Variants in PLXNC1 observed in about 807,000 individuals in gnomAD.
The protein encoded by PLXNC1 is plexin C1, also known as plexin-C1.
PLXNC1 carries 75 observed loss-of-function variants against 178.2 expected under a neutral mutation model. The ratio of observed to expected loss-of-function variants is 0.42; its 90% CI spans 0.35 to 0.51. The LOEUF (loss-of-function observed/expected upper bound fraction) is 0.51, where lower values mean the gene tolerates loss of function less well. PLXNC1 is among the 20% of genes least tolerant of loss of function. The pLI is 0.02. For missense variants in PLXNC1, 1,503 were observed against 1,984.4 expected (o/e 0.76, Z 4.61); for synonymous variants, 790 against 779.9 (o/e 1.01, Z -0.22).
At chr12:94,251,399 G>T in intron 14 of PLXNC1, 27 bp from the exon 15 acceptor site, 4 of 1,350,682 alleles carry the variant, frequency 3.0e-6, no homozygotes, top group Non-Finnish European at 4.3e-6. Context: ...ACTCAATTGG[G>T]TCTAATGACA....
chr12:94,227,460 G>T, intron 9 of PLXNC1: 1 of 390,724 alleles, frequency 2.6e-6, no homozygotes, highest in Non-Finnish European at 4.7e-6. Context: ...TATGAAAAAT[G>T]ATGTTGCTCT....
intron 4 of PLXNC1, among the ~76,000 whole-genome samples, chr12:94,208,489 T>A (rs1275101110): frequency 1.3e-5 from 2 of 152,188 alleles, no homozygotes; most frequent in Non-Finnish European, 2.9e-5. Context: ...CCAAATACAC[T>A]GTTTGGGCCC....
intron 3 of PLXNC1, among the ~76,000 whole-genome samples, chr12:94,182,857 CTG>C (rs1491429200): frequency 0.048 from 6,791 of 141,838 alleles, 182 homozygotes; most frequent in African/African-American, 0.085. Flanking sequence ...TCAAGAATAT[CTG>C]TATCTATCTA....
At position 94,240,680 on chromosome 12, in the gene PLXNC1, A is replaced by T; in HGVS notation, c.2300+16A>T. The T allele has an allele frequency of 6.3e-7, 1 of 1,586,562 alleles. No individual in the cohort carries two copies. The highest frequency in any genetic ancestry group is 1.1e-5 in the South Asian group (1 of 88,788). On this transcript the variant is annotated intron_variant, in intron 11 of 30. Transcript: ENST00000258526. The stretch of plus-strand genomic sequence containing the variant: ...CCTGGATCAGGTACTTTCTAGATTC[A>T]TAATCTTTTTCTCATTGTGGTTAAA...
intron 22 of PLXNC1, chr12:94,280,003 C>A: frequency 2.6e-6 from 1 of 386,366 alleles, no homozygotes; most frequent in Non-Finnish European, 5.0e-6. Flanking sequence ...GCGTGTGTTG[C>A]ATTTCACATT....
At chr12:94,229,873 AAAT>A (rs1314278351) in intron 9 of PLXNC1, among the ~76,000 whole-genome samples, 1 of 152,238 alleles carries the variant, frequency 6.6e-6, no homozygotes, top group Non-Finnish European at 1.5e-5. Context: ...TTGTTTTAGA[AAAT>A]AATAAACTTT....
chr12:94,206,052 A>G (rs952945542), intron 4 of PLXNC1, among the ~76,000 whole-genome samples: 1 of 152,200 alleles, frequency 6.6e-6, no homozygotes, highest in African/African-American at 2.4e-5. Context: ...CACTCCCATC[A>G]GTGCCTGGCA....
chr12:94,202,146 G>T (rs974097267), intron 4 of PLXNC1, among the ~76,000 whole-genome samples: 11 of 152,164 alleles, frequency 7.2e-5, no homozygotes, highest in African/African-American at 2.4e-4. Flanking sequence ...CCTGTCTAAA[G>T]TGGGTTCCTT....
intron 14 of PLXNC1, among the ~76,000 whole-genome samples, chr12:94,249,087 T>C (rs1362099908): frequency 6.6e-6 from 1 of 152,104 alleles, no homozygotes; most frequent in Non-Finnish European, 1.5e-5. Context: ...TAAAAGACAA[T>C]GCAAAAGAAC....
intron 5 of PLXNC1, among the ~76,000 whole-genome samples, chr12:94,215,625 A>G (rs1030252324): frequency 1.3e-5 from 2 of 152,126 alleles, no homozygotes; most frequent in Non-Finnish European, 2.9e-5. Context: ...TTCTGGTTTA[A>G]AAATAGGAAT....
rs143440063 is a variant in PLXNC1 at position 94,177,286 on chromosome 12, G to T, written c.1204-4160G>T. ...ATATGAGGGGCTGCAGGGTCCAAGG[G>T]TATGTCCTTTGTAATTTTGATAGAT... On this transcript the variant is annotated intron_variant, in intron 2 of 30. Coordinates refer to ENST00000258526, the MANE Select transcript of PLXNC1 (RefSeq NM_005761.3). Among the ~76,000 whole-genome samples, 140 of 144,988 alleles carry T rather than the reference G, an allele frequency of 9.7e-4. 1 individual carries two copies. In the South Asian group the frequency reaches 0.016, roughly 16 times the overall value.
At chr12:94,271,273 G>C (rs1965551908) in intron 21 of PLXNC1, among the ~76,000 whole-genome samples, 1 of 152,134 alleles carries the variant, frequency 6.6e-6, no homozygotes, top group Admixed American at 6.5e-5. Flanking sequence ...GCATTATAAG[G>C]TATCACAGAA....
At chr12:94,169,832 C>T (rs957547633) in intron 2 of PLXNC1, among the ~76,000 whole-genome samples, 3 of 152,178 alleles carry the variant, frequency 2.0e-5, no homozygotes, top group African/African-American at 7.2e-5. Flanking sequence ...CTTTGAGACT[C>T]CTCTTGACTT....
rs754256662 is a variant in PLXNC1 at position 94,227,206 on chromosome 12, A to C, written c.1951A>C (p.Lys651Gln). 7.3e-5 allele frequency: 117 copies of C among 1,612,746 alleles called. No homozygotes were observed. The highest frequency in any genetic ancestry group is 9.6e-5 in the Non-Finnish European group (113 of 1,178,858). ...TSGGGRPKENKGNRTNQALQV... is the reference protein window; with the variant it reads ...TSGGGRPKENQGNRTNQALQV... ...AGGAGGAGGAAGACCCAAGGAGAAC[A>C]AGGGGAACAGAACCAACCAGGCTTT... Residue 651 changes from lysine (K) to glutamine (Q), a missense_variant, in exon 9 of 31, where the codon AAG (lysine) becomes CAG (glutamine). Lys to Gln is a moderately conservative substitution (Grantham distance 53, BLOSUM62 1). Coordinates refer to ENST00000258526, the MANE Select transcript of PLXNC1 (RefSeq NM_005761.3).
rs774291865 is a variant in PLXNC1 at position 94,255,238 on chromosome 12, T to C, written c.3029T>C (p.Phe1010Ser). Residue 1010 changes from phenylalanine to serine, a missense_variant, in exon 17 of 31, where the codon TTT becomes TCT. Transcript: ENST00000258526. ...GATAAATTGGATGTGGTTGATAGTT[T>C]TGGAACTGTTCCCTTCCTTGACTAC... ...QMDKLDVVDS[F>S]GTVPFLDYKH... is the part of the protein sequence containing the mutation. 6.2e-7 allele frequency: 1 copy of C among 1,614,166 alleles called. No homozygotes were observed. The highest frequency in any genetic ancestry group is 8.5e-7 in the Non-Finnish European group (1 of 1,179,978).
chr12:94,244,503 A>G (rs1449136823), intron 12 of PLXNC1, among the ~76,000 whole-genome samples: 1 of 152,124 alleles, frequency 6.6e-6, no homozygotes, highest in African/African-American at 2.4e-5. Context: ...TTTGTTCCCT[A>G]CCATCTGATG....
At chr12:94,232,480 T>C (rs1964131941) in intron 9 of PLXNC1, among the ~76,000 whole-genome samples, 1 of 152,198 alleles carries the variant, frequency 6.6e-6, no homozygotes, top group African/African-American at 2.4e-5. Context: ...TGAAATTAAA[T>C]TTCACATATA....
chr12:94,188,795 C>T (rs566703182), intron 4 of PLXNC1, among the ~76,000 whole-genome samples: 16 of 152,348 alleles, frequency 1.1e-4, no homozygotes, highest in African/African-American at 3.8e-4. Context: ...AGGCCAGCCT[C>T]AGACAGGAGC....
chr12:94,201,748 C>CTT (rs10529488), intron 4 of PLXNC1, among the ~76,000 whole-genome samples: 1 of 54,422 alleles, frequency 1.8e-5, no homozygotes, highest in African/African-American at 7.3e-5. Context: ...CTTCCCACTA[C>CTT]TTTTTTTTTT....
Sources: gnomAD v4.1 joint callset for allele counts (sites outside exome capture counted in the v4.1 genomes callset) on GRCh38, gnomAD v4.1.1 for gene constraint, MANE v1.5 for transcripts, NCBI Gene and HGNC (gene_info 2026-07-23, HGNC 2026-07-21) for gene names.